EPB41L2: variants seen among roughly 807,000 people sequenced by gnomAD.
EPB41L2 encodes the protein band 4.1-like protein 2.
A neutral mutation model predicts 113.0 loss-of-function variants in EPB41L2; 43 were observed. The observed-to-expected ratio is 0.38, with a 90% CI of 0.30 to 0.49. The LOEUF is 0.49. Ranked by LOEUF, EPB41L2 falls within the 20% of genes least tolerant of loss-of-function variation. EPB41L2 has a pLI of 0.95. For synonymous variants in EPB41L2, 442 were observed against 436.7 expected (o/e 1.01, Z -0.15); for missense variants, 1,147 against 1,223.4 (o/e 0.94, Z 0.93).
In EPB41L2 at chr6:130,863,639, T is replaced by C. The variant is rs1782837784; in HGVS notation, c.2909A>G (p.Gln970Arg). The C allele has an allele frequency of 6.2e-7, 1 of 1,604,622 alleles. No individual in the cohort carries two copies. Among genetic ancestry groups the C allele is most frequent in the South Asian group, 1.1e-5 (1 of 90,402 alleles). Residue 970 changes from glutamine to arginine, a missense_variant and splice_region_variant, in exon 18 of 20, where the codon CAG (glutamine) becomes CGG (arginine). Coordinates refer to ENST00000337057, the MANE Select transcript of EPB41L2 (RefSeq NM_001431.4). ...ITGDGDIDHD[Q>R]ALAQAIREAR... is the part of the protein sequence containing the mutation. ...AAAACTAGAACTTAACTTATTTACC[T>C]GGTCATGATCAATATCTCCATCTCC... is the stretch of plus-strand genomic sequence containing the variant.
At chr6:131,048,561 G>T (rs1285864646) in intron 1 of EPB41L2, among the ~76,000 whole-genome samples, 1 of 152,176 alleles carries the variant, frequency 6.6e-6, no homozygotes, top group Admixed American at 6.5e-5. Context: ...GGGAGCAGGG[G>T]AATCTCACTT....
intron 1 of EPB41L2, among the ~76,000 whole-genome samples, chr6:130,974,896 T>C (rs1777851955): frequency 6.6e-6 from 1 of 151,856 alleles, no homozygotes; most frequent in African/African-American, 2.4e-5. Flanking sequence ...TACCTGGGAC[T>C]ACAGGTGCCC....
At chr6:130,965,227 G>T (rs1040633465) in intron 1 of EPB41L2, among the ~76,000 whole-genome samples, 1 of 152,146 alleles carries the variant, frequency 6.6e-6, no homozygotes, top group Non-Finnish European at 1.5e-5. Flanking sequence ...AGTATAGTGG[G>T]AGACATAGGT....
rs142160723 is a variant in EPB41L2, at chr6:130,974,921, C to T, written c.-14-18422G>A. Among the ~76,000 whole-genome samples, 1,037 of 151,832 alleles carry T rather than the reference C, an allele frequency of 6.8e-3. 10 individuals are homozygous for T. The highest frequency in any genetic ancestry group is 0.023 in the African/African-American group (932 of 41,410). ...TACAGGTGCCCGCCACCACACCTGG[C>T]TAATTTTTGTTATTTTTAGGAGAGA... On this transcript the variant is annotated intron_variant, in intron 1 of 19. Transcript: ENST00000337057.
rs1367956616 is a variant in EPB41L2, at chr6:130,889,620, G to A, written c.1660+674C>T. Among the ~76,000 whole-genome samples the A allele has an allele frequency of 2.6e-5, 4 of 152,184 alleles. No individual in the cohort carries two copies. The East Asian group carries it at 7.7e-4, about 29-fold the overall frequency. On this transcript the variant is annotated intron_variant, in intron 11 of 19. Coordinates refer to ENST00000337057, the MANE Select transcript of EPB41L2 (RefSeq NM_001431.4). The stretch of plus-strand genomic sequence containing the variant: ...GTTGTTTCACTCATGAAAATTTGCT[G>A]ATGCAGGGAATGTTTTATGTTCGTC...
At chr6:130,906,947 C>G (rs1296267674) in intron 5 of EPB41L2, among the ~76,000 whole-genome samples, 1 of 152,088 alleles carries the variant, frequency 6.6e-6, no homozygotes, top group Non-Finnish European at 1.5e-5. Flanking sequence ...TGCCAAACCA[C>G]AAGGGTAAAA....
intron 1 of EPB41L2, among the ~76,000 whole-genome samples, chr6:130,984,171 G>C (rs1779997913): frequency 6.6e-6 from 1 of 152,034 alleles, no homozygotes; most frequent in Non-Finnish European, 1.5e-5. Context: ...GGTCCGCAGG[G>C]GCAATAACAT....
chr6:130,865,570 G>A lies in EPB41L2; in HGVS notation c.2795C>T (p.Ser932Phe), dbSNP rs759667681. 6.2e-7 allele frequency: 1 copy of A among 1,614,120 alleles called. No individual in the cohort carries two copies. Among genetic ancestry groups the A allele is most frequent in the East Asian group, 2.2e-5 (1 of 44,882 alleles). ...GTGTGTGGTTGTCGTTGTTGACACG[G>A]ACTCAGATGTGATGGTTTGTGCGGT... Reference protein sequence around the residue: ...LLTAQTITSESVSTTTTTHIT... With the variant: ...LLTAQTITSEFVSTTTTTHIT... Residue 932 changes from serine (S) to phenylalanine (F), a missense_variant, in exon 17 of 20, where the codon TCC (serine) becomes TTC (phenylalanine). Coordinates refer to ENST00000337057, the MANE Select transcript of EPB41L2 (RefSeq NM_001431.4).
intron 11 of EPB41L2, among the ~76,000 whole-genome samples, chr6:130,889,466 T>A (rs970106688): frequency 6.6e-6 from 1 of 152,036 alleles, no homozygotes; most frequent in Non-Finnish European, 1.5e-5. Flanking sequence ...AAAATTCACA[T>A]TTATACATAT....
At chr6:131,053,704 G>T (rs535993309) in intron 1 of EPB41L2, among the ~76,000 whole-genome samples, 6 of 152,160 alleles carry the variant, frequency 3.9e-5, no homozygotes, top group Non-Finnish European at 5.9e-5. Flanking sequence ...CCTTCTGGGT[G>T]GCATACACAG....
intron 19 of EPB41L2, among the ~76,000 whole-genome samples, chr6:130,846,911 A>G (rs1023256104): frequency 2.6e-5 from 4 of 152,216 alleles, no homozygotes; most frequent in African/African-American, 9.6e-5. Context: ...GTTAAATTCA[A>G]TCTTACTCTT....
At chr6:130,915,842 A>G (rs1583413108) in intron 4 of EPB41L2, among the ~76,000 whole-genome samples, 1 of 152,128 alleles carries the variant, frequency 6.6e-6, no homozygotes, top group East Asian at 1.9e-4. Context: ...GCCACCATCC[A>G]TGTAAGATGT....
rs1448747281 is a variant in EPB41L2, at chr6:130,858,269, C to T, written c.2911-26G>A. 11 of 1,587,550 alleles carry T rather than the reference C, an allele frequency of 6.9e-6. No individual in the cohort carries two copies. In the African/African-American group the frequency reaches 1.2e-4, roughly 17 times the overall value. ...CTGCCAGGGTCAGGACAGAGAACGG[C>T]TGTGAGCTGGGGAACAGCCTCCACC... On this transcript the variant is annotated intron_variant, in intron 18 of 19. Transcript: ENST00000337057.
intron 1 of EPB41L2, among the ~76,000 whole-genome samples, chr6:130,969,886 T>C (rs1021582217): frequency 2.8e-4 from 42 of 152,128 alleles, no homozygotes; most frequent in African/African-American, 9.7e-4. Context: ...GAAAAAATTG[T>C]GAAACAACCA....
chr6:130,894,034 T>C (rs1249656247), intron 10 of EPB41L2, among the ~76,000 whole-genome samples: 1 of 151,772 alleles, frequency 6.6e-6, no homozygotes, highest in East Asian at 1.9e-4. Context: ...TGGACAGAAA[T>C]GGACCTGGGA....
At chr6:131,008,834 T>C (rs1319244422) in intron 1 of EPB41L2, among the ~76,000 whole-genome samples, 3 of 152,232 alleles carry the variant, frequency 2.0e-5, no homozygotes, top group African/African-American at 4.8e-5. Flanking sequence ...TGGTCATTTC[T>C]CCCGTTTGGA....
At chr6:130,868,343 C>T (rs1373377081) in intron 15 of EPB41L2, 1 of 152,226 alleles carries the variant, frequency 6.6e-6, no homozygotes, top group East Asian at 1.9e-4. Flanking sequence ...TACACCAATG[C>T]TTTGAACAAT....
chr6:130,960,993 C>T (rs1475397795), intron 1 of EPB41L2, among the ~76,000 whole-genome samples: 1 of 152,170 alleles, frequency 6.6e-6, no homozygotes, highest in East Asian at 1.9e-4. Context: ...GTTCAATCAT[C>T]TAGTCTAATA....
At chr6:130,920,455 C>G (rs1021997031) in intron 4 of EPB41L2, among the ~76,000 whole-genome samples, 1 of 152,110 alleles carries the variant, frequency 6.6e-6, no homozygotes, top group African/African-American at 2.4e-5. Context: ...CAGCCAAACA[C>G]TTCTTTAAAC....
Sources: allele counts gnomAD v4.1 joint callset (sites outside exome capture counted in the v4.1 genomes callset), GRCh38; gene constraint gnomAD v4.1.1; transcripts MANE v1.5; gene names NCBI Gene and HGNC (gene_info 2026-07-23, HGNC 2026-07-21).